DOCK2: variants seen among roughly 807,000 people sequenced by gnomAD.
DOCK2 encodes the protein dedicator of cytokinesis protein 2.
In DOCK2, 87 loss-of-function variants were observed where a neutral mutation model predicts 248.9. The ratio of observed to expected loss-of-function variants is 0.35; its 90% CI spans 0.29 to 0.42. The LOEUF (loss-of-function observed/expected upper bound fraction) is 0.42. Ranked by LOEUF, DOCK2 falls within the 10% of genes least tolerant of loss-of-function variation. The pLI is 1.00. For missense variants in DOCK2, 1,747 were observed against 2,300.2 expected, an observed-to-expected ratio of 0.76 and a Z score of 4.92; for synonymous variants, 805 against 821.6, an observed-to-expected ratio of 0.98 and a Z score of 0.35.
At chr5:169,779,811 T>A (rs1765594615) in intron 25 of DOCK2, among the ~76,000 whole-genome samples, 1 of 151,978 alleles carries the variant, frequency 6.6e-6, no homozygotes, top group Admixed American at 6.6e-5. Flanking sequence ...ACAACTCGCA[T>A]CAGCTTAGAC....
intron 27 of DOCK2, among the ~76,000 whole-genome samples, chr5:169,863,634 G>A (rs542916215): frequency 6.6e-6 from 1 of 152,350 alleles, no homozygotes; most frequent in East Asian, 1.9e-4. Context: ...GCCTGACTCT[G>A]CCACAGGCAG....
rs150330682 is a variant in DOCK2, at chr5:169,859,053, A to T, written c.2799+18201A>T. 6.5e-4 allele frequency among the ~76,000 whole-genome samples: 99 copies of T among 152,270 alleles called. 1 individual carries two copies. The East Asian group carries it at 0.016, about 25-fold the overall frequency. ...AAATAAGTATAAAAGAAGAGATTGC[A>T]TGTGGGGAGACCTGTTGGGGAGGTT... is the stretch of plus-strand genomic sequence containing the variant. On this transcript the variant is annotated intron_variant, in intron 27 of 51. Transcript: ENST00000520908.
intron 40 of DOCK2, 122 bp from the exon 41 acceptor site, chr5:170,050,134 A>C: frequency 7.8e-7 from 1 of 1,287,648 alleles, no homozygotes; most frequent in Admixed American, 2.2e-5. Context: ...GGAAACCAAG[A>C]GGAGAGTGAT....
chr5:169,684,890 C>T (rs1759873158), intron 8 of DOCK2, among the ~76,000 whole-genome samples: 1 of 152,188 alleles, frequency 6.6e-6, no homozygotes, highest in African/African-American at 2.4e-5. Flanking sequence ...TTCGAGTGAT[C>T]CTCCCACCTT....
At chr5:169,745,809 A>G (rs915489078) in intron 22 of DOCK2, among the ~76,000 whole-genome samples, 1 of 152,208 alleles carries the variant, frequency 6.6e-6, no homozygotes, top group African/African-American at 2.4e-5. Context: ...ATTTGAACCC[A>G]AAGCAGATTG....
chr5:170,004,956 T>C (rs1261439525), intron 30 of DOCK2, among the ~76,000 whole-genome samples: 1 of 142,840 alleles, frequency 7.0e-6, no homozygotes, highest in Non-Finnish European at 1.5e-5. Flanking sequence ...TTGGGAGATA[T>C]ACCTAATGCT....
chr5:169,866,038 G>A (rs1771531126), intron 27 of DOCK2, among the ~76,000 whole-genome samples: 1 of 150,086 alleles, frequency 6.7e-6, no homozygotes, highest in Non-Finnish European at 1.5e-5. Context: ...AGAGGGGCGA[G>A]GGGGCCTGTT....
chr5:169,969,306 G>A (rs1162617823), intron 27 of DOCK2, among the ~76,000 whole-genome samples: 2 of 152,052 alleles, frequency 1.3e-5, no homozygotes, highest in Non-Finnish European at 2.9e-5. Context: ...TTAGCTGGGT[G>A]TGGTGTGGGG....
intron 2 of DOCK2, among the ~76,000 whole-genome samples, chr5:169,662,632 A>T (rs1758506214): frequency 6.6e-6 from 1 of 152,224 alleles, no homozygotes; most frequent in Non-Finnish European, 1.5e-5. Flanking sequence ...GAAGCAAGGC[A>T]TGTTTTACAT....
At chr5:169,789,287 G>A (rs1020021691) in intron 25 of DOCK2, among the ~76,000 whole-genome samples, 5 of 152,144 alleles carry the variant, frequency 3.3e-5, no homozygotes, top group Non-Finnish European at 5.9e-5. Context: ...CCATGTCTTT[G>A]CAATTGTGAA....
At chr5:169,761,453 A>G in intron 24 of DOCK2, 66 bp from the exon 25 acceptor site, 1 of 1,340,930 alleles carries the variant, frequency 7.5e-7, no homozygotes, top group Non-Finnish European at 1.1e-6. Flanking sequence ...GATGGACTGT[A>G]AGTGCTATGA....
At chr5:169,981,345 C>T (rs1332040242) in intron 27 of DOCK2, among the ~76,000 whole-genome samples, 2 of 152,154 alleles carry the variant, frequency 1.3e-5, no homozygotes, top group African/African-American at 4.8e-5. Flanking sequence ...TATATACATA[C>T]AGGCATACCT....
intron 46 of DOCK2, among the ~76,000 whole-genome samples, chr5:170,073,234 GA>G (rs1182590771): frequency 6.6e-6 from 1 of 152,130 alleles, no homozygotes; most frequent in African/African-American, 2.4e-5. Context: ...ACCATGTGTT[GA>G]AAAGACTATT....
intron 25 of DOCK2, among the ~76,000 whole-genome samples, chr5:169,783,442 G>C (rs943583205): frequency 2.6e-5 from 4 of 152,150 alleles, no homozygotes; most frequent in Non-Finnish European, 5.9e-5. Flanking sequence ...TTCTTGATCT[G>C]TAAAATCTGG....
chr5:169,983,268 A>C lies in DOCK2; in HGVS notation c.2898+102A>C, dbSNP rs1031289015. 10 of 1,228,396 alleles carry C rather than the reference A, an allele frequency of 8.1e-6. No individual in the cohort carries two copies. The African/African-American group carries it at 9.0e-5, about 11-fold the overall frequency. The allele number at this position is 1,228,396 out of a possible 1,614,324, so 76.1% of individuals were successfully genotyped here. A position where few individuals can be genotyped will look rare whatever the true frequency, so the allele number is the denominator to read the frequency against. ...CCTGCCTGTCTATCACATAATCTAG[A>C]TATGACTTAACCAATATTTGTTGAT... On this transcript the variant is annotated intron_variant, in intron 28 of 51. Transcript: ENST00000520908.
intron 29 of DOCK2, among the ~76,000 whole-genome samples, chr5:169,991,829 T>C (rs1778217693): frequency 6.6e-6 from 1 of 152,228 alleles, no homozygotes; most frequent in African/African-American, 2.4e-5. Flanking sequence ...GCTGTTTGAA[T>C]GTGGGGAAAT....
chr5:169,699,322 A>G lies in DOCK2; in HGVS notation c.1056-60A>G, dbSNP rs264847. ...TGGAGGGGCTGGGGAGATTCATGGG[A>G]CCCCTTGAAACGCAAGGAGGACACG... On this transcript the variant is annotated intron_variant, in intron 11 of 51. Transcript: ENST00000520908. 332,943 of 1,541,286 alleles carry G rather than the reference A, an allele frequency of 0.22. 42,945 individuals carry two copies. The highest frequency in any genetic ancestry group is 0.54 in the African/African-American group (39,700 of 73,694).
intron 1 of DOCK2, among the ~76,000 whole-genome samples, chr5:169,646,004 C>T (rs1757436967): frequency 6.6e-6 from 1 of 152,198 alleles, no homozygotes; most frequent in South Asian, 2.1e-4. Context: ...CCATCTCAGC[C>T]TCCCAAAGTG....
At chr5:169,957,563 C>T (rs992176241) in intron 27 of DOCK2, among the ~76,000 whole-genome samples, 3 of 152,180 alleles carry the variant, frequency 2.0e-5, no homozygotes, top group Admixed American at 2.0e-4. Flanking sequence ...GGGACTGGGA[C>T]TCCTTGGTCT....
Sources: gnomAD v4.1 joint callset for allele counts (sites outside exome capture counted in the v4.1 genomes callset) on GRCh38, gnomAD v4.1.1 for gene constraint, MANE v1.5 for transcripts, NCBI Gene and HGNC (gene_info 2026-07-23, HGNC 2026-07-21) for gene names.